MPDZ: variants seen among roughly 807,000 people sequenced by gnomAD.
MPDZ encodes the protein multiple PDZ domain crumbs cell polarity complex component.
Under a neutral mutation model 239.1 loss-of-function variants are expected in MPDZ, and 234 were observed. The observed-to-expected ratio is 0.98, with a 90% CI of 0.88 to 1.09. The LOEUF is 1.09. Ranked by LOEUF, MPDZ falls within the 50% of genes least tolerant of loss-of-function variation. The pLI is 0.00. For synonymous variants in MPDZ, 1,048 were observed against 881.3 expected, an observed-to-expected ratio of 1.19 and a Z score of -3.35; for missense variants, 3,175 against 2,510.0, an observed-to-expected ratio of 1.26 and a Z score of -5.66.
intron 22 of MPDZ, among the ~76,000 whole-genome samples, chr9:13,166,397 T>A (rs1310026162): frequency 6.6e-6 from 1 of 151,528 alleles, no homozygotes; most frequent in East Asian, 1.9e-4. Context: ...ATCTAACATA[T>A]TTTTTTTTCT....
At chr9:13,235,911 G>T (rs185146761) in intron 3 of MPDZ, among the ~76,000 whole-genome samples, 2 of 151,872 alleles carry the variant, frequency 1.3e-5, no homozygotes, top group Non-Finnish European at 2.9e-5. Flanking sequence ...TATTTGGGAA[G>T]GTGTACCTGG....
intron 27 of MPDZ, among the ~76,000 whole-genome samples, chr9:13,141,297 G>A (rs1199819913): frequency 1.3e-5 from 2 of 152,072 alleles, no homozygotes; most frequent in Admixed American, 6.6e-5. Context: ...GGAACCTGAG[G>A]CTACAAGAAA....
At chr9:13,197,121 T>C (rs1955747011) in intron 12 of MPDZ, among the ~76,000 whole-genome samples, 1 of 151,382 alleles carries the variant, frequency 6.6e-6, no homozygotes, top group Non-Finnish European at 1.5e-5. Context: ...GCTAATAAGA[T>C]GATTCTGTTT....
intron 3 of MPDZ, among the ~76,000 whole-genome samples, chr9:13,241,170 C>A (rs1466794069): frequency 2.0e-5 from 3 of 152,088 alleles, no homozygotes; most frequent in Non-Finnish European, 4.4e-5. Flanking sequence ...TTTGAAATTC[C>A]TACAGTAAAT....
chr9:13,133,845 C>A lies in MPDZ; in HGVS notation c.4443G>T (p.Val1481=). 6.2e-7 allele frequency: 1 copy of A among 1,604,776 alleles called. No individual in the cohort carries two copies. Among genetic ancestry groups the A allele is most frequent in the South Asian group, 1.1e-5 (1 of 90,106 alleles). The change falls in exon 32 of 47, where the codon GTG becomes GTT. Residue 1481 remains valine, a synonymous_variant. Coordinates refer to ENST00000319217, the MANE Select transcript of MPDZ (RefSeq NM_001378778.1). ...AAVDLSSFKN[V]QHLELPKDQG... is the part of the protein sequence containing the mutation. ...TTACCTTGGGAAGCTCCAGATGTTG[C>A]ACATTTTTAAATGAACTGAGGTCCA...
chr9:13,121,181 C>T (rs1014407593), intron 38 of MPDZ, among the ~76,000 whole-genome samples: 2 of 152,168 alleles, frequency 1.3e-5, no homozygotes, highest in East Asian at 1.9e-4. Flanking sequence ...CGCTCTTATT[C>T]GCTCTGATCC....
chr9:13,164,672 A>G (rs973843980), intron 22 of MPDZ, among the ~76,000 whole-genome samples: 2 of 152,068 alleles, frequency 1.3e-5, no homozygotes, highest in Admixed American at 6.6e-5. Context: ...GTTGTTTTTT[A>G]TTTTACCGAA....
chr9:13,129,288 C>A (rs1029303683), intron 32 of MPDZ, among the ~76,000 whole-genome samples: 4 of 151,880 alleles, frequency 2.6e-5, no homozygotes, highest in African/African-American at 7.3e-5. Context: ...CATGGCGAAA[C>A]CCCATCTCTA....
intron 28 of MPDZ, among the ~76,000 whole-genome samples, chr9:13,138,827 G>A (rs559331239): frequency 1.6e-4 from 24 of 152,298 alleles, no homozygotes; most frequent in Middle Eastern, 3.4e-3. Flanking sequence ...TGAGCGACCA[G>A]CCAACAGCCA....
At chr9:13,250,487 T>C in intron 1 of MPDZ, 115 bp from the exon 2 acceptor site, 1 of 589,988 alleles carries the variant, frequency 1.7e-6, no homozygotes, top group Non-Finnish European at 2.9e-6. Context: ...AAAATCTTGT[T>C]GATACAACTT....
At chr9:13,273,611 C>G (rs1973506200) in intron 1 of MPDZ, among the ~76,000 whole-genome samples, 1 of 152,056 alleles carries the variant, frequency 6.6e-6, no homozygotes, top group African/African-American at 2.4e-5. Context: ...CTGCATCATT[C>G]TAGATCAGCT....
chr9:13,112,413 G>C (rs553035499), intron 42 of MPDZ, among the ~76,000 whole-genome samples: 1 of 152,312 alleles, frequency 6.6e-6, no homozygotes, highest in Admixed American at 6.5e-5. Flanking sequence ...GTAAACTCAT[G>C]AAGTGAAAAG....
intron 21 of MPDZ, among the ~76,000 whole-genome samples, chr9:13,169,420 G>A (rs1951503698): frequency 6.6e-6 from 1 of 151,972 alleles, no homozygotes; most frequent in Admixed American, 6.6e-5. Context: ...GGTCTTTCTT[G>A]ATGCATACCT....
In MPDZ at chr9:13,192,359, A is replaced by C. The variant is rs1443490248; in HGVS notation, c.1804-64T>G. The C allele has an allele frequency of 7.9e-6, 11 of 1,392,274 alleles. No homozygotes were observed. The African/African-American group carries it at 1.3e-4, about 16-fold the overall frequency. 86.2% of individuals were successfully genotyped at this position (1,392,274 alleles called of 1,614,324 possible). On this transcript the variant is annotated intron_variant, in intron 14 of 46. Transcript: ENST00000319217. ...ATAATATGAACATTCTTTTGAACAC[A>C]ATTTTTTTATTAAATATAAATTTTA...
intron 13 of MPDZ, 75 bp from the exon 14 acceptor site, chr9:13,193,388 T>G: frequency 7.0e-7 from 1 of 1,427,654 alleles, no homozygotes; most frequent in African/African-American, 1.4e-5. Flanking sequence ...ATTTTATGTT[T>G]TATGTTTACC....
intron 29 of MPDZ, among the ~76,000 whole-genome samples, chr9:13,137,100 ACTGGG>A (rs1441526230): frequency 6.6e-6 from 1 of 152,078 alleles, no homozygotes; most frequent in East Asian, 1.9e-4. Context: ...CCTGGCAGGC[ACTGGG>A]CTCCCAGCAT....
chr9:13,130,472 T>C (rs1313270729), intron 32 of MPDZ, among the ~76,000 whole-genome samples: 1 of 152,208 alleles, frequency 6.6e-6, no homozygotes, highest in Non-Finnish European at 1.5e-5. Context: ...CTGAACTATG[T>C]TGATGACACT....
intron 23 of MPDZ, among the ~76,000 whole-genome samples, chr9:13,160,987 T>C (rs1185866607): frequency 1.3e-5 from 2 of 150,964 alleles, no homozygotes; most frequent in Admixed American, 1.3e-4. Flanking sequence ...CCCTTTTATA[T>C]AAGGGATTGA....
rs1327920983 is a variant in MPDZ at position 13,176,377 on chromosome 9, T to G, written c.2690A>C (p.His897Pro). The G allele has an allele frequency of 6.2e-7, 1 of 1,603,424 alleles. No homozygotes were observed. The highest frequency in any genetic ancestry group is 1.1e-5 in the South Asian group (1 of 88,790). The change falls in exon 20 of 47, where the codon CAT becomes CCT. Residue 897 changes from histidine (H) to proline (P), a missense_variant. Physicochemically the swap from His to Pro is moderately conservative, Grantham distance 77 (BLOSUM62 -2). Transcript: ENST00000319217. ...ENSCDPVLDL[H>P]MSLEELYTQN... ...GGTATATAGTTCCTCCAGAGACATA[T>G]GCAGATCAAGTACTGGATCACAAGA...
Sources: allele counts gnomAD v4.1 joint callset (sites outside exome capture counted in the v4.1 genomes callset), GRCh38; gene constraint gnomAD v4.1.1; transcripts MANE v1.5; gene names NCBI Gene and HGNC (gene_info 2026-07-23, HGNC 2026-07-21).